XKR4: variants seen among roughly 807,000 people sequenced by gnomAD.
XKR4 encodes the protein XK related 4.
A neutral mutation model predicts 53.9 loss-of-function variants in XKR4; 12 were observed. The ratio of observed to expected loss-of-function variants is 0.22; its 90% CI spans 0.14 to 0.36. The LOEUF (loss-of-function observed/expected upper bound fraction) is 0.36, where lower values mean the gene tolerates loss of function less well. XKR4 is among the 10% of genes least tolerant of loss of function. XKR4 has a pLI of 1.00. For missense variants in XKR4, 799 were observed against 859.5 expected, an observed-to-expected ratio of 0.93 and a Z score of 0.88; for synonymous variants, 354 against 362.4, an observed-to-expected ratio of 0.98 and a Z score of 0.26.
At chr8:55,350,557 T>A (rs568197265) in intron 1 of XKR4, among the ~76,000 whole-genome samples, 3 of 152,154 alleles carry the variant, frequency 2.0e-5, no homozygotes, top group Non-Finnish European at 4.4e-5. Context: ...AAAAGACCAA[T>A]ACTGTATGAT....
chr8:55,363,193 T>C (rs1037097972), intron 2 of XKR4, among the ~76,000 whole-genome samples: 3 of 152,186 alleles, frequency 2.0e-5, no homozygotes, highest in Non-Finnish European at 4.4e-5. Flanking sequence ...TAAGTGTATT[T>C]AGCTGGGGTG....
intron 1 of XKR4, among the ~76,000 whole-genome samples, chr8:55,258,214 C>T (rs1360386691): frequency 3.9e-5 from 6 of 152,268 alleles, no homozygotes; most frequent in African/African-American, 1.2e-4. Flanking sequence ...AGTGTCTTCC[C>T]GAGGGAAAGC....
At chr8:55,125,461 C>G (rs532758748) in intron 1 of XKR4, among the ~76,000 whole-genome samples, 1 of 152,072 alleles carries the variant, frequency 6.6e-6, no homozygotes, top group African/African-American at 2.4e-5. Flanking sequence ...CTCAAACTCC[C>G]GACCTCAGGT....
chr8:55,194,747 G>T (rs1473336099), intron 1 of XKR4, among the ~76,000 whole-genome samples: 1 of 152,118 alleles, frequency 6.6e-6, no homozygotes, highest in Non-Finnish European at 1.5e-5. Context: ...TAGCCCTGGG[G>T]TAGCAAAAAC....
chr8:55,521,929 C>T (rs1398207366), intron 2 of XKR4, among the ~76,000 whole-genome samples: 1 of 152,092 alleles, frequency 6.6e-6, no homozygotes, highest in Non-Finnish European at 1.5e-5. Flanking sequence ...TTAATGGGGC[C>T]TGGTTATGAT....
chr8:55,125,241 T>A (rs1286412449), intron 1 of XKR4, among the ~76,000 whole-genome samples: 1 of 152,232 alleles, frequency 6.6e-6, no homozygotes, highest in African/African-American at 2.4e-5. Flanking sequence ...TTTTTTCTTT[T>A]TTTCTTGAGA....
At chr8:55,174,304 A>C (rs1817201698) in intron 1 of XKR4, among the ~76,000 whole-genome samples, 1 of 152,138 alleles carries the variant, frequency 6.6e-6, no homozygotes, top group African/African-American at 2.4e-5. Context: ...TTTGTAGGTC[A>C]GTTTCTATTT....
intron 1 of XKR4, among the ~76,000 whole-genome samples, chr8:55,276,617 C>A (rs921439595): frequency 6.6e-6 from 1 of 152,158 alleles, no homozygotes; most frequent in African/African-American, 2.4e-5. Flanking sequence ...TTCCTTAGAA[C>A]CCCACAATTT....
chr8:55,403,686 C>G (rs760667722), intron 2 of XKR4, among the ~76,000 whole-genome samples: 1 of 152,204 alleles, frequency 6.6e-6, no homozygotes, highest in Non-Finnish European at 1.5e-5. Context: ...TTTAACCTTC[C>G]CAGTCTTCTG....
chr8:55,449,796 T>G, intron 2 of XKR4: 9 of 1,201,812 alleles, frequency 7.5e-6, no homozygotes, highest in East Asian at 2.3e-5. Context: ...CAGGGCTTCA[T>G]GAAGGCCCCC....
intron 1 of XKR4, among the ~76,000 whole-genome samples, chr8:55,113,025 T>C (rs1160802266): frequency 6.6e-6 from 1 of 152,062 alleles, no homozygotes; most frequent in Non-Finnish European, 1.5e-5. Context: ...GATGGCTAGG[T>C]TTGAAAACTT....
At position 55,201,252 on chromosome 8, in the gene XKR4, A is replaced by C. The variant is rs565232017; in HGVS notation, c.806+97958A>C. Among the ~76,000 whole-genome samples, 196 of 152,370 alleles carry C rather than the reference A, an allele frequency of 1.3e-3. 1 individual carries two copies. Among genetic ancestry groups the C allele is most frequent in the African/African-American group, 4.4e-3 (184 of 41,576 alleles). ...GAGCCTAGAATAAGGCAGGCAAATA[A>C]AGAGGTACTGAAAAATATTGTGGCT... On this transcript the variant is annotated intron_variant, in intron 1 of 2. Transcript: ENST00000327381.
At chr8:55,176,120 G>A (rs1013743845) in intron 1 of XKR4, among the ~76,000 whole-genome samples, 1 of 152,230 alleles carries the variant, frequency 6.6e-6, no homozygotes, top group Admixed American at 6.5e-5. Flanking sequence ...CAGGTGACCT[G>A]TGACAAAGTG....
At chr8:55,198,473 A>G (rs1817533121) in intron 1 of XKR4, among the ~76,000 whole-genome samples, 1 of 151,878 alleles carries the variant, frequency 6.6e-6, no homozygotes, top group Admixed American at 6.6e-5. Flanking sequence ...TAATGTTATA[A>G]ATAGGTGCAT....
At chr8:55,188,844 T>C (rs950884437) in intron 1 of XKR4, among the ~76,000 whole-genome samples, 1 of 152,140 alleles carries the variant, frequency 6.6e-6, no homozygotes, top group African/African-American at 2.4e-5. Flanking sequence ...AATAGAGTTG[T>C]TGGGAGGATA....
rs899920065 is a variant in XKR4 at position 55,528,006 on chromosome 8, A to T, written c.*3779A>T. 6.6e-6 allele frequency: 1 copy of T among 152,178 alleles called. No homozygotes were observed. The highest frequency in any genetic ancestry group is 2.1e-4 in the South Asian group (1 of 4,822). The allele number at this position is 152,178 out of a possible 1,614,324, so 9.4% of individuals were successfully genotyped here. On this transcript the variant is annotated 3_prime_UTR_variant, in exon 3 of 3. Transcript: ENST00000327381. Reference sequence around the variant, plus strand: ...TACGTACCTATATATGTATGTACACACACACACACACACACTTTCCAACTA... The same window carrying T: ...TACGTACCTATATATGTATGTACACTCACACACACACACACTTTCCAACTA...
chr8:55,530,685 C>G lies in XKR4; in HGVS notation c.*6458C>G, dbSNP rs1563374831. On this transcript the variant is annotated 3_prime_UTR_variant, in exon 3 of 3. Transcript: ENST00000327381. ...TATTAAAATACAAGTAACTATCTTC[C>G]TACTTTGATTTAAGAGATCTTTATG... The G allele has an allele frequency of 1.3e-5, 2 of 152,104 alleles. No homozygotes were observed. Among genetic ancestry groups the G allele is most frequent in the Non-Finnish European group, 1.5e-5 (1 of 68,032 alleles). 9.4% of individuals were successfully genotyped at this position (152,104 alleles called of 1,614,324 possible).
chr8:55,469,694 C>T (rs1506674), intron 2 of XKR4, among the ~76,000 whole-genome samples: 61,309 of 151,734 alleles, frequency 0.4, 13,163 homozygotes, highest in East Asian at 0.53. Flanking sequence ...TAGAGCTGTA[C>T]GGAATCTTGG....
At chr8:55,136,116 T>A (rs920801633) in intron 1 of XKR4, among the ~76,000 whole-genome samples, 1 of 152,112 alleles carries the variant, frequency 6.6e-6, no homozygotes, top group Admixed American at 6.6e-5. Flanking sequence ...CTGGCCTCAA[T>A]CTCCTGACCT....
Sources: allele counts gnomAD v4.1 joint callset (sites outside exome capture counted in the v4.1 genomes callset), GRCh38; gene constraint gnomAD v4.1.1; transcripts MANE v1.5; gene names NCBI Gene and HGNC (gene_info 2026-07-23, HGNC 2026-07-21).